The following SLC9A9 variants were observed in gnomAD, a reference collection of about 807,000 sequenced individuals.
SLC9A9 encodes solute carrier family 9 member A9.
A neutral mutation model predicts 77.8 loss-of-function variants in SLC9A9; 62 were observed. The observed-to-expected ratio is 0.80, with a 90% confidence interval of 0.65 to 0.98. The LOEUF is 0.98. Ranked by LOEUF, SLC9A9 falls within the 50% of genes least tolerant of loss-of-function variation. The probability of loss-of-function intolerance (pLI) is 0.00; values close to 1 mark genes in which losing one functional copy is unlikely to be tolerated. For synonymous variants in SLC9A9, 320 were observed against 283.5 expected, an observed-to-expected ratio of 1.13 and a Z score of -1.29; for missense variants, 775 against 774.9, an observed-to-expected ratio of 1.00 and a Z score of 0.00.
chr3:143,439,873 G>A (rs1040396513), intron 12 of SLC9A9, among the ~76,000 whole-genome samples: 1 of 151,830 alleles, frequency 6.6e-6, no homozygotes, highest in African/African-American at 2.4e-5. Flanking sequence ...CATGTCAGAG[G>A]CAGAGGTGGC....
chr3:143,817,190 G>A (rs867272802), intron 2 of SLC9A9, among the ~76,000 whole-genome samples: 4 of 148,840 alleles, frequency 2.7e-5, no homozygotes, highest in African/African-American at 4.9e-5. Context: ...CGCCCAGGCC[G>A]GACTGCGGAC....
intron 8 of SLC9A9, among the ~76,000 whole-genome samples, chr3:143,563,885 T>C (rs2037126150): frequency 6.6e-6 from 1 of 152,124 alleles, no homozygotes; most frequent in South Asian, 2.1e-4. Context: ...AAGAATTGCA[T>C]GGGGTTTAAC....
At chr3:143,734,732 CA>C (rs532314682) in intron 4 of SLC9A9, among the ~76,000 whole-genome samples, 10,093 of 66,126 alleles carry the variant, frequency 0.15, 314 homozygotes, top group Middle Eastern at 0.25. Context: ...GACTCCATCT[CA>C]AAAAAAAAAA....
chr3:143,456,317 T>C (rs2035091185), intron 12 of SLC9A9, among the ~76,000 whole-genome samples: 1 of 152,136 alleles, frequency 6.6e-6, no homozygotes, highest in African/African-American at 2.4e-5. Context: ...CTGTGCAAGA[T>C]TTTTGCATCT....
At chr3:143,451,396 T>A (rs2035005461) in intron 12 of SLC9A9, among the ~76,000 whole-genome samples, 1 of 152,238 alleles carries the variant, frequency 6.6e-6, no homozygotes, top group African/African-American at 2.4e-5. Flanking sequence ...ACACAATTAA[T>A]CTTCAGGGTA....
chr3:143,281,305 C>G (rs1263912918), intron 14 of SLC9A9, among the ~76,000 whole-genome samples: 1 of 152,124 alleles, frequency 6.6e-6, no homozygotes, highest in African/African-American at 2.4e-5. Context: ...GCTTGATGAG[C>G]CACTAAGAGT....
intron 5 of SLC9A9, among the ~76,000 whole-genome samples, chr3:143,665,950 A>G (rs112691906): frequency 0.11 from 16,360 of 152,262 alleles, 943 homozygotes; most frequent in Non-Finnish European, 0.13. Flanking sequence ...CAATCAATAG[A>G]AAAAGACGGA....
At chr3:143,706,370 A>G (rs1008488927) in intron 4 of SLC9A9, among the ~76,000 whole-genome samples, 21 of 152,276 alleles carry the variant, frequency 1.4e-4, no homozygotes, top group Non-Finnish European at 8.8e-5. Context: ...TAAGGAATGT[A>G]AGAGGCTCCT....
intron 2 of SLC9A9, among the ~76,000 whole-genome samples, chr3:143,816,620 A>G (rs2009025119): frequency 6.6e-6 from 1 of 152,144 alleles, no homozygotes; most frequent in Admixed American, 6.6e-5. Flanking sequence ...TGCAATGTAT[A>G]TTCTTGTACT....
chr3:143,823,755 G>A (rs988194226), intron 2 of SLC9A9, among the ~76,000 whole-genome samples: 123 of 151,668 alleles, frequency 8.1e-4, no homozygotes, highest in African/African-American at 2.8e-3. Flanking sequence ...ATATTTAATA[G>A]TTACAATAAA....
chr3:143,487,312 A>G (rs1230774411), intron 11 of SLC9A9, among the ~76,000 whole-genome samples: 1 of 151,960 alleles, frequency 6.6e-6, no homozygotes, highest in African/African-American at 2.4e-5. Flanking sequence ...GAAATAGACA[A>G]TTCTACAATA....
intron 8 of SLC9A9, among the ~76,000 whole-genome samples, chr3:143,563,209 G>C (rs150184380): frequency 6.6e-6 from 1 of 151,982 alleles, no homozygotes; most frequent in East Asian, 1.9e-4. Context: ...TGCTTCTTGG[G>C]GAAAAATAAA....
At chr3:143,593,182 T>C (rs2108680106) in intron 6 of SLC9A9, among the ~76,000 whole-genome samples, 1 of 148,960 alleles carries the variant, frequency 6.7e-6, no homozygotes, top group South Asian at 2.2e-4. Flanking sequence ...GAAGGAGGAG[T>C]TGGTACAAGG....
At chr3:143,596,659 CTT>C (rs2037757486) in intron 6 of SLC9A9, among the ~76,000 whole-genome samples, 2 of 151,960 alleles carry the variant, frequency 1.3e-5, no homozygotes, top group South Asian at 4.2e-4. Flanking sequence ...TGTATGAAGT[CTT>C]TTTCTTTTTC....
chr3:143,651,957 T>C (rs1293822907), intron 6 of SLC9A9, among the ~76,000 whole-genome samples: 2 of 143,184 alleles, frequency 1.4e-5, no homozygotes, highest in Non-Finnish European at 3.0e-5. Context: ...TGATTTGAAA[T>C]GAAAAAAGCT....
chr3:143,807,093 T>G (rs1287847976), intron 2 of SLC9A9, among the ~76,000 whole-genome samples: 1 of 151,860 alleles, frequency 6.6e-6, no homozygotes, highest in Non-Finnish European at 1.5e-5. Context: ...AGGAGATGAG[T>G]GGAGGAAACA....
intron 12 of SLC9A9, among the ~76,000 whole-genome samples, chr3:143,406,991 A>G (rs1266032130): frequency 1.3e-5 from 2 of 151,556 alleles, no homozygotes; most frequent in African/African-American, 2.4e-5. Context: ...AAAAAAAAAA[A>G]AAAAAGAAAA....
At chr3:143,363,333 T>C in intron 14 of SLC9A9, 151 bp downstream of exon 14, 1 of 738,468 alleles carries the variant, frequency 1.4e-6, no homozygotes, top group Non-Finnish European at 2.3e-6. Context: ...TTTTATTTTA[T>C]GAAATCATTC....
intron 14 of SLC9A9, among the ~76,000 whole-genome samples, chr3:143,346,559 G>A (rs573737942): frequency 6.6e-6 from 1 of 152,198 alleles, no homozygotes; most frequent in East Asian, 1.9e-4. Flanking sequence ...GGCTGAGTCG[G>A]GGGGGATCAC....
Sources: allele counts gnomAD v4.1 joint callset (sites outside exome capture counted in the v4.1 genomes callset), GRCh38; gene constraint gnomAD v4.1.1; transcripts MANE v1.5; gene names NCBI Gene and HGNC (gene_info 2026-07-23, HGNC 2026-07-21).